The following GRIPAP1 variants were observed in gnomAD, a reference collection of about 807,000 sequenced individuals.
GRIPAP1 encodes the protein GRIP1 associated protein 1, also known as GRIP1-associated protein 1.
A neutral mutation model predicts 84.1 loss-of-function variants in GRIPAP1; 14 were observed. That is an observed-to-expected ratio of 0.17 (90% CI 0.11 to 0.26). GRIPAP1 has a LOEUF of 0.26. Among genes scored for constraint, GRIPAP1 ranks in the 10% least tolerant of loss-of-function variants. GRIPAP1 has a pLI of 1.00. For missense variants in GRIPAP1, 518 were observed against 674.2 expected (o/e 0.77, Z 2.57); for synonymous variants, 261 against 256.8 (o/e 1.02, Z -0.15).
At chrX:48,997,418 A>G (rs781936463) in intron 4 of GRIPAP1, 61 bp from the exon 5 acceptor site, 1 of 629,532 alleles carries the variant, frequency 1.6e-6, no homozygotes, top group African/African-American at 2.2e-5. Context: ...GAGGTAGGGC[A>G]AAGAAACAGA....
chrX:48,975,016 T>C lies in GRIPAP1; in HGVS notation c.2433+139A>G, dbSNP rs943958053. ...GGAAGATGAGAGCATGATGGAGTAGTTGATGAGTGGGTAGGAGGATAGCTG... is the reference window on the plus strand; with the variant it reads ...GGAAGATGAGAGCATGATGGAGTAGCTGATGAGTGGGTAGGAGGATAGCTG... On this transcript the variant is annotated intron_variant, in intron 25 of 25. Coordinates refer to ENST00000376423, the MANE Select transcript of GRIPAP1 (RefSeq NM_020137.5). The C allele has an allele frequency of 4.7e-5, 22 of 469,095 alleles. No homozygotes were observed. In the African/African-American group the frequency reaches 5.0e-4, roughly 11 times the overall value. 38.7% of individuals were successfully genotyped at this position (469,095 alleles called of 1,213,427 possible). A position where few individuals can be genotyped will look rare whatever the true frequency, so the allele number is the denominator to read the frequency against.
Position 48,988,196 on chromosome X carries a change from G to C in GRIPAP1, c.873C>G (p.Ser291Arg). Residue 291 changes from serine to arginine, a missense_variant and splice_region_variant, in exon 12 of 26, where the codon AGC (serine) becomes AGG (arginine). Physicochemically the swap from Ser to Arg is moderately radical, Grantham distance 110 (BLOSUM62 -1). Around this residue, in one of 5 missense-constraint regions of GRIPAP1, gnomAD observed 372 missense variants for 458.1 expected, o/e 0.81. Transcript: ENST00000376423. ...GCCGCTGATCTCTCAGCTCTGCCAA[G>C]CTCTGTGGAGACCAGGGGAGCCCAT... ...LQQELEAANQ[S>R]LAELRDQRQG... is the part of the protein sequence containing the mutation. The C allele has an allele frequency of 8.4e-7, 1 of 1,185,540 alleles. No homozygotes were observed. Among genetic ancestry groups the C allele is most frequent in the Non-Finnish European group, 1.1e-6 (1 of 879,482 alleles).
In GRIPAP1 at chrX:48,988,156, C is replaced by G; in HGVS notation, c.913G>C (p.Glu305Gln). Residue 305 changes from glutamate to glutamine, a missense_variant, in exon 12 of 26, where the codon GAA becomes CAA. This residue lies in a region of GRIPAP1 where 372 missense variants were observed against 458.1 expected (regional missense o/e 0.81). Transcript: ENST00000376423. ...LRDQRQGERL[E>Q]HAAALRALQD... Reference sequence around the variant, plus strand: ...AGGGCCCGCAAAGCTGCTGCATGTTCCAGGCGCTCCCCCTGCCGCTGATCT... The same window carrying G: ...AGGGCCCGCAAAGCTGCTGCATGTTGCAGGCGCTCCCCCTGCCGCTGATCT... 2 of 1,200,240 alleles carry G rather than the reference C, an allele frequency of 1.7e-6. No homozygotes were observed. Among genetic ancestry groups the G allele is most frequent in the Non-Finnish European group, 2.2e-6 (2 of 889,920 alleles).
chrX:48,984,745 G>A (rs1288988027), intron 14 of GRIPAP1, among the ~76,000 whole-genome samples: 2 of 80,442 alleles, frequency 2.5e-5, no homozygotes, highest in African/African-American at 9.5e-5. Flanking sequence ...AAAAGGAGCC[G>A]GGCGTGGTGG....
chrX:48,979,200 G>A (rs980821987), intron 21 of GRIPAP1, among the ~76,000 whole-genome samples: 5 of 110,073 alleles, frequency 4.5e-5, no homozygotes, highest in Admixed American at 1.9e-4. Context: ...AAAAGATGCC[G>A]GGCGCGGTGG....
Position 48,999,443 on chromosome X carries a change from C to A in GRIPAP1, c.104G>T (p.Gly35Val). The A allele has an allele frequency of 8.3e-7, 1 of 1,201,015 alleles. No homozygotes were observed. The change falls in exon 2 of 26, where the codon GGT becomes GTT. Residue 35 changes from glycine (G) to valine (V), a missense_variant. Transcript: ENST00000376423. Reference sequence around the variant, plus strand: ...ATAAGGCCCTCCTGGCTCACCAACACCATTCTTGCGTAGTTCATCTGAAAG... The same window carrying A: ...ATAAGGCCCTCCTGGCTCACCAACAACATTCTTGCGTAGTTCATCTGAAAG... ...YQLSDELRKN[G>V]VELTSLRQKV...
intron 22 of GRIPAP1, 135 bp downstream of exon 22, chrX:48,978,170 G>A: frequency 1.6e-6 from 1 of 640,250 alleles, no homozygotes; most frequent in Non-Finnish European, 2.4e-6. Flanking sequence ...TGGTGGGCTT[G>A]GGGAAAAGTT....
Position 48,990,651 on chromosome X carries a change from G to A in GRIPAP1, c.690+34C>T. On this transcript the variant is annotated intron_variant, in intron 8 of 25. Transcript: ENST00000376423. ...GGAATGGGAAAGAATCCAGCAGATT[G>A]GGAGCAGAATGGGAAAGAGCCAAGC... 3 of 1,144,081 alleles carry A rather than the reference G, an allele frequency of 2.6e-6. No individual in the cohort carries two copies. In the South Asian group the frequency reaches 5.6e-5, roughly 21 times the overall value. The allele number at this position is 1,144,081 out of a possible 1,213,427, so 94.3% of individuals were successfully genotyped here.
intron 7 of GRIPAP1, 86 bp downstream of exon 7, chrX:48,990,840 T>C: frequency 9.9e-7 from 1 of 1,012,135 alleles, no homozygotes; most frequent in Non-Finnish European, 1.4e-6. Flanking sequence ...GATGGTGATG[T>C]CACAGCCATC....
rs1433059575 is a variant in GRIPAP1 at position 48,983,455 on chromosome X, G to A, written c.1273-15C>T. The A allele has an allele frequency of 2.8e-5, 33 of 1,182,852 alleles. No homozygotes were observed. The highest frequency in any genetic ancestry group is 3.4e-5 in the Non-Finnish European group (30 of 871,809). ...TTCTCCGCACTCTGGGGGCCAGGAC[G>A]ATGGCAGTCAACTTCCTTCCACAAC... is the stretch of plus-strand genomic sequence containing the variant. On this transcript the variant is annotated splice_polypyrimidine_tract_variant and intron_variant, in intron 15 of 25. Transcript: ENST00000376423.
At chrX:48,987,236 C>A (rs1247404718) in intron 13 of GRIPAP1, among the ~76,000 whole-genome samples, 1 of 104,472 alleles carries the variant, frequency 9.6e-6, no homozygotes, top group South Asian at 4.4e-4. Context: ...GCAACCTCCG[C>A]CTCCTGGGTT....
At chrX:48,974,506 G>C (rs1391225087) in intron 25 of GRIPAP1, among the ~76,000 whole-genome samples, 1 of 111,726 alleles carries the variant, frequency 9.0e-6, no homozygotes, top group Non-Finnish European at 1.9e-5. Context: ...CAGATAATGG[G>C]AGTGGGATGC....
chrX:48,988,049 G>T, intron 12 of GRIPAP1, 72 bp downstream of exon 12: 1 of 861,506 alleles, frequency 1.2e-6, no homozygotes, highest in Non-Finnish European at 1.7e-6. Context: ...GACCTTGCCT[G>T]ACTATGTAGT....
Position 48,999,420 on chromosome X carries a change from A to T in GRIPAP1, c.109+18T>A, listed in dbSNP as rs868909886. On this transcript the variant is annotated intron_variant, in intron 2 of 25. Coordinates refer to ENST00000376423, the MANE Select transcript of GRIPAP1 (RefSeq NM_020137.5). ...TTCCCCAAAGCCACCCCCATCTAAT[A>T]AGGCCCTCCTGGCTCACCAACACCA... The T allele has an allele frequency of 8.5e-7, 1 of 1,178,312 alleles. No homozygotes were observed. The highest frequency in any genetic ancestry group is 1.8e-5 in the African/African-American group (1 of 57,110).
chrX:48,998,200 G>A lies in GRIPAP1; in HGVS notation c.172-20C>T, dbSNP rs782259445. On this transcript the variant is annotated intron_variant, in intron 3 of 25. Coordinates refer to ENST00000376423, the MANE Select transcript of GRIPAP1 (RefSeq NM_020137.5). ...CAGTGCCTAAAGTGGGGGTGGGTGG[G>A]AAGAGAGCTAAAGTGAACAGAGATG... 98 of 1,157,406 alleles carry A rather than the reference G, an allele frequency of 8.5e-5. 1 individual carries two copies. The South Asian group carries it at 1.6e-3, about 19-fold the overall frequency.
chrX:48,981,209 C>A lies in GRIPAP1; in HGVS notation c.1930+6G>T. The A allele has an allele frequency of 3.3e-6, 4 of 1,198,595 alleles. No individual in the cohort carries two copies. Among genetic ancestry groups the A allele is most frequent in the Non-Finnish European group, 4.5e-6 (4 of 885,320 alleles). On this transcript the variant is annotated splice_donor_region_variant and intron_variant, in intron 21 of 25. Transcript: ENST00000376423. Reference sequence around the variant, plus strand: ...TCAGCCTCCTCTCCCTGTCCTAGTCCCTCACCTGAGCGGCTCTTGCTGTTA... The same window carrying A: ...TCAGCCTCCTCTCCCTGTCCTAGTCACTCACCTGAGCGGCTCTTGCTGTTA...
rs782712976 is a variant in GRIPAP1 at position 48,978,566 on chromosome X, A to G, written c.1931-131T>C. On this transcript the variant is annotated intron_variant, in intron 21 of 25. Transcript: ENST00000376423. ...ACACCTGGGCATGGGGAAAGGCAGA[A>G]GCAGACAGGAGGACAGGGAGAGACA... 9.3e-5 allele frequency: 52 copies of G among 556,905 alleles called. 1 individual carries two copies. The South Asian group carries it at 1.7e-3, about 18-fold the overall frequency. 45.9% of individuals were successfully genotyped at this position (556,905 alleles called of 1,213,427 possible). A position where few individuals can be genotyped will look rare whatever the true frequency, so the allele number is the denominator to read the frequency against.
At position 48,976,316 on chromosome X, in the gene GRIPAP1, C is replaced by T; in HGVS notation, c.2109G>A (p.Leu703=). ...AGAGCTCAGCCACTTCCTCATCTGACAGCTCTGCTGGCCGAGGGGGCTGGG... is the reference window on the plus strand; with the variant it reads ...AGAGCTCAGCCACTTCCTCATCTGATAGCTCTGCTGGCCGAGGGGGCTGGG... ...PQAQPPRPAE[L]SDEEVAELFQ... The change falls in exon 23 of 26, where the codon CTG becomes CTA. Residue 703 remains leucine (L), a synonymous_variant. Coordinates refer to ENST00000376423, the MANE Select transcript of GRIPAP1 (RefSeq NM_020137.5). 8.4e-7 allele frequency: 1 copy of T among 1,195,354 alleles called. No homozygotes were observed. The highest frequency in any genetic ancestry group is 1.1e-6 in the Non-Finnish European group (1 of 887,384).
intron 12 of GRIPAP1, 32 bp downstream of exon 12, chrX:48,988,089 C>G: frequency 8.9e-7 from 1 of 1,128,021 alleles, no homozygotes. Flanking sequence ...ATCCTGAACC[C>G]CAGCTCCCTG....
Sources: gnomAD v4.1 joint callset for allele counts (sites outside exome capture counted in the v4.1 genomes callset) on GRCh38, gnomAD v4.1.1 for gene constraint, gnomAD v4.1.1 regional missense constraint, MANE v1.5 for transcripts, NCBI Gene and HGNC (gene_info 2026-07-23, HGNC 2026-07-21) for gene names.